CHRNA7: variants seen among roughly 807,000 people sequenced by gnomAD.
CHRNA7 encodes cholinergic receptor nicotinic alpha 7 subunit, also known as neuronal acetylcholine receptor subunit alpha-7.
A neutral mutation model predicts 48.0 loss-of-function variants in CHRNA7; 17 were observed. That is an observed-to-expected ratio of 0.35 (90% CI 0.24 to 0.53). The LOEUF (loss-of-function observed/expected upper bound fraction) is 0.53, where lower values mean the gene tolerates loss of function less well. Among genes scored for constraint, CHRNA7 ranks in the 20% least tolerant of loss-of-function variants. CHRNA7 has a pLI of 0.92. For missense variants in CHRNA7, 155 were observed against 577.7 expected (o/e 0.27, Z 7.50); for synonymous variants, 75 against 242.3 (o/e 0.31, Z 6.41).
chr15:32,074,093 A>G, intron 2 of CHRNA7, among the ~76,000 whole-genome samples: 1 of 150,304 alleles, frequency 6.7e-6, no homozygotes, highest in Non-Finnish European at 1.5e-5. Flanking sequence ...ATGTTAATGT[A>G]TATTTAATTT....
At chr15:32,099,307 G>C (rs1035484569) in intron 2 of CHRNA7, 4 of 152,186 alleles carry the variant, frequency 2.6e-5, no homozygotes, top group Non-Finnish European at 4.4e-5. Flanking sequence ...GCCAAGAGGA[G>C]GGAGATTGTT....
chr15:32,060,081 C>A (rs889725343), intron 2 of CHRNA7, among the ~76,000 whole-genome samples: 11 of 149,800 alleles, frequency 7.3e-5, no homozygotes, highest in African/African-American at 2.7e-4. Context: ...AAACTCTAAG[C>A]AGAATAAGTG....
At chr15:32,093,096 A>AG (rs2050409385) in intron 2 of CHRNA7, among the ~76,000 whole-genome samples, 1 of 152,160 alleles carries the variant, frequency 6.6e-6, no homozygotes, top group African/African-American at 2.4e-5. Context: ...ACTTAAAGGG[A>AG]GATTTATCCT....
At chr15:32,114,045 T>TATATATACACACACAC (rs1555383680) in intron 4 of CHRNA7, among the ~76,000 whole-genome samples, 1 of 35,348 alleles carries the variant, frequency 2.8e-5, no homozygotes, top group Non-Finnish European at 6.5e-5. Flanking sequence ...TATATATATG[T>TATATATACACACACAC]ATATATATAT....
chr15:32,083,259 T>C (rs1456269579), intron 2 of CHRNA7, among the ~76,000 whole-genome samples: 1 of 151,582 alleles, frequency 6.6e-6, no homozygotes, highest in Admixed American at 6.6e-5. Flanking sequence ...ATCTCAAGAG[T>C]GGATGTGTTA....
intron 2 of CHRNA7, among the ~76,000 whole-genome samples, chr15:32,090,934 TTC>T (rs1485815736): frequency 6.6e-6 from 1 of 152,196 alleles, no homozygotes. Flanking sequence ...CTCTTTATCT[TTC>T]TGAGTTACAT....
chr15:32,093,383 A>G (rs937162632), intron 2 of CHRNA7, among the ~76,000 whole-genome samples: 1 of 152,220 alleles, frequency 6.6e-6, no homozygotes, highest in Admixed American at 6.5e-5. Flanking sequence ...TGAAAAGTGC[A>G]TGCTTGAACT....
chr15:32,042,563 T>G (rs971131007), intron 2 of CHRNA7, among the ~76,000 whole-genome samples: 2 of 152,230 alleles, frequency 1.3e-5, no homozygotes, highest in Non-Finnish European at 2.9e-5. Flanking sequence ...AATTTTTAAC[T>G]TTCAAAGTTG....
chr15:32,038,979 G>GT (rs2049400405), intron 2 of CHRNA7, among the ~76,000 whole-genome samples: 1 of 152,016 alleles, frequency 6.6e-6, no homozygotes, highest in Non-Finnish European at 1.5e-5. Context: ...ATTTCTTCTT[G>GT]TTTGAGTTTT....
chr15:32,142,425 C>T lies in CHRNA7; in HGVS notation c.351-11482C>T, dbSNP rs542262951. ...GCCCAGCTTTGGTATCAGGATGATG[C>T]TGGCCTAATAAAATGAGTTAGGGAG... On this transcript the variant is annotated intron_variant, in intron 4 of 9. Transcript: ENST00000306901. 2.9e-4 allele frequency among the ~76,000 whole-genome samples: 44 copies of T among 152,304 alleles called. No homozygotes were observed. The South Asian group carries it at 8.9e-3, about 31-fold the overall frequency.
intron 2 of CHRNA7, among the ~76,000 whole-genome samples, chr15:32,061,843 CAACAA>C (rs891958066): frequency 1.3e-5 from 2 of 151,974 alleles, no homozygotes; most frequent in African/African-American, 4.8e-5. Context: ...ACCAAAAAAA[CAACAA>C]AACAAAACAA....
intron 2 of CHRNA7, among the ~76,000 whole-genome samples, chr15:32,071,231 C>G (rs1349029544): frequency 6.6e-6 from 1 of 152,144 alleles, no homozygotes; most frequent in East Asian, 1.9e-4. Context: ...TATTCCTTCT[C>G]TTTCAAAGTT....
intron 2 of CHRNA7, among the ~76,000 whole-genome samples, chr15:32,064,499 G>A (rs1025167554): frequency 4.4e-4 from 66 of 151,382 alleles, no homozygotes; most frequent in African/African-American, 1.6e-3. Context: ...GTGTATGTGT[G>A]TGTATGTGTG....
At chr15:32,138,733 G>GTTTTGTTTTGTTTTGTTTTGTT (rs2051320304) in intron 4 of CHRNA7, among the ~76,000 whole-genome samples, 2 of 148,622 alleles carry the variant, frequency 1.3e-5, no homozygotes, top group Admixed American at 1.3e-4. Flanking sequence ...GACCTGTTAT[G>GTTTTGTTTTGTTTTGTTTTGTT]TTTTGTTTTG....
chr15:32,127,792 A>G (rs371974085), intron 4 of CHRNA7, among the ~76,000 whole-genome samples: 91 of 152,206 alleles, frequency 6.0e-4, no homozygotes, highest in African/African-American at 2.0e-3. Flanking sequence ...GGTCTTTCAC[A>G]GAGTAAACAT....
intron 2 of CHRNA7, among the ~76,000 whole-genome samples, chr15:32,084,083 G>A (rs2050257385): frequency 6.6e-6 from 1 of 152,080 alleles, no homozygotes; most frequent in Non-Finnish European, 1.5e-5. Flanking sequence ...AGGTGTTTCT[G>A]GACACCAGTA....
intron 4 of CHRNA7, among the ~76,000 whole-genome samples, chr15:32,116,126 C>T (rs920091952): frequency 3.9e-5 from 6 of 152,136 alleles, no homozygotes; most frequent in Admixed American, 3.3e-4. Context: ...TGAATGGAGT[C>T]GAGGGGCTTT....
At chr15:32,111,749 C>G in intron 3 of CHRNA7, 41 bp from the exon 4 acceptor site, 5 of 1,209,852 alleles carry the variant, frequency 4.1e-6, no homozygotes, top group Non-Finnish European at 6.1e-6. Context: ...ATATTAGTAG[C>G]CAAGGAAGTG....
chr15:32,079,669 T>G (rs777623010), intron 2 of CHRNA7, among the ~76,000 whole-genome samples: 7 of 152,114 alleles, frequency 4.6e-5, no homozygotes, highest in Non-Finnish European at 8.8e-5. Flanking sequence ...TGGAAAAGCA[T>G]TCTATGCTCA....
Sources: allele counts gnomAD v4.1 joint callset (sites outside exome capture counted in the v4.1 genomes callset), GRCh38; gene constraint gnomAD v4.1.1; transcripts MANE v1.5; gene names NCBI Gene and HGNC (gene_info 2026-07-23, HGNC 2026-07-21).